Variants in SLC30A6 observed in about 807,000 individuals in gnomAD.
SLC30A6 encodes zinc transporter 6.
SLC30A6 carries 55 observed loss-of-function variants against 63.0 expected under a neutral mutation model. The observed-to-expected ratio is 0.87, with a 90% confidence interval of 0.70 to 1.09. The LOEUF is 1.09. Ranked by LOEUF, SLC30A6 falls within the 50% of genes least tolerant of loss-of-function variation. SLC30A6 has a pLI of 0.00. For missense variants in SLC30A6, 587 were observed against 549.2 expected (o/e 1.07, Z -0.69); for synonymous variants, 224 against 186.1 (o/e 1.20, Z -1.66).
Position 32,222,625 on chromosome 2 carries a change from G to A in SLC30A6, c.*1912G>A, listed in dbSNP as rs1229951520. 1 of 152,172 alleles carries A rather than the reference G, an allele frequency of 6.6e-6. No individual in the cohort carries two copies. The highest frequency in any genetic ancestry group is 2.4e-5 in the African/African-American group (1 of 41,434). The allele number at this position is 152,172 out of a possible 1,614,324, so 9.4% of individuals were successfully genotyped here. A position where few individuals can be genotyped will look rare whatever the true frequency, so the allele number is the denominator to read the frequency against. ...CAACCCCTGTTCAGGCATGTGACCT[G>A]CTAAAGAAATACAGCCTACACTACC... On this transcript the variant is annotated 3_prime_UTR_variant, in exon 14 of 14. Coordinates refer to ENST00000282587, the MANE Select transcript of SLC30A6 (RefSeq NM_017964.5).
chr2:32,220,667 C>T lies in SLC30A6; in HGVS notation c.1340C>T (p.Pro447Leu). The change falls in exon 14 of 14, where the codon CCA (proline) becomes CTA (leucine). Residue 447 changes from proline (P) to leucine (L), a missense_variant. Pro to Leu is a moderately conservative substitution (Grantham distance 98). Coordinates refer to ENST00000282587, the MANE Select transcript of SLC30A6 (RefSeq NM_017964.5). ...QGLRTGFTNIPSRYGTNNRIG... is the reference protein window; with the variant it reads ...QGLRTGFTNILSRYGTNNRIG... ...TTGAGGACTGGTTTTACAAATATAC[C>T]AAGTAGATATGGAACTAATAATAGA... is the stretch of plus-strand genomic sequence containing the variant. 1 of 1,613,824 alleles carries T rather than the reference C, an allele frequency of 6.2e-7. No homozygotes were observed. The highest frequency in any genetic ancestry group is 2.2e-5 in the East Asian group (1 of 44,868).
rs181858632 is a variant in SLC30A6 at position 32,221,816 on chromosome 2, A to G, written c.*1103A>G. 3 of 152,242 alleles carry G rather than the reference A, an allele frequency of 2.0e-5. No homozygotes were observed. Among genetic ancestry groups the G allele is most frequent in the East Asian group, 1.9e-4 (1 of 5,186 alleles). 9.4% of individuals were successfully genotyped at this position (152,242 alleles called of 1,614,324 possible). Reference sequence around the variant, plus strand: ...GGTGATATGCAGTGAAAGAATCCCAATTTTCTATGTTACATTTAATCAAAT... The same window carrying G: ...GGTGATATGCAGTGAAAGAATCCCAGTTTTCTATGTTACATTTAATCAAAT... On this transcript the variant is annotated 3_prime_UTR_variant, in exon 14 of 14. Coordinates refer to ENST00000282587, the MANE Select transcript of SLC30A6 (RefSeq NM_017964.5).
intron 13 of SLC30A6, among the ~76,000 whole-genome samples, chr2:32,219,033 A>G (rs1430886495): frequency 1.3e-5 from 2 of 151,766 alleles, no homozygotes; most frequent in East Asian, 1.9e-4. Flanking sequence ...CTTATTACCT[A>G]CCTATCATTT....
At chr2:32,203,198 T>G in intron 10 of SLC30A6, 1 of 1,157,204 alleles carries the variant, frequency 8.6e-7, no homozygotes. Context: ...GTTCTCCTCC[T>G]CAGGATGTTG....
At chr2:32,201,620 G>A (rs1684304395) in intron 10 of SLC30A6, 1 of 1,514,046 alleles carries the variant, frequency 6.6e-7, no homozygotes, top group African/African-American at 1.4e-5. Context: ...AACTCCTCTG[G>A]GGGTACATTA....
chr2:32,206,382 C>G (rs903002212), intron 11 of SLC30A6, among the ~76,000 whole-genome samples: 1 of 151,550 alleles, frequency 6.6e-6, no homozygotes, highest in African/African-American at 2.4e-5. Context: ...GGAGGCGGAG[C>G]TTGCAGTGAG....
intron 13 of SLC30A6, among the ~76,000 whole-genome samples, chr2:32,210,185 ATTT>A (rs1198931015): frequency 1.3e-5 from 2 of 152,194 alleles, no homozygotes; most frequent in Non-Finnish European, 2.9e-5. Flanking sequence ...TGCTGTTGAT[ATTT>A]TGGTGTTTAT....
chr2:32,217,685 A>G (rs779049975), intron 13 of SLC30A6, among the ~76,000 whole-genome samples: 1 of 152,144 alleles, frequency 6.6e-6, no homozygotes, highest in Non-Finnish European at 1.5e-5. Context: ...CTGATCTTCC[A>G]ATCCATGAGC....
intron 4 of SLC30A6, among the ~76,000 whole-genome samples, chr2:32,178,884 A>C (rs1175840531): frequency 6.6e-6 from 1 of 152,164 alleles, no homozygotes; most frequent in African/African-American, 2.4e-5. Flanking sequence ...TTGGCTAAAC[A>C]GGCATTCTTT....
chr2:32,221,529 T>C lies in SLC30A6; in HGVS notation c.*816T>C, dbSNP rs1180889441. 2 of 152,206 alleles carry C rather than the reference T, an allele frequency of 1.3e-5. No homozygotes were observed. The highest frequency in any genetic ancestry group is 4.8e-5 in the African/African-American group (2 of 41,456). 9.4% of individuals were successfully genotyped at this position (152,206 alleles called of 1,614,324 possible). ...ACATTTTGGGAAAGGGAAAAATGTCTGTTCAAAAAGTAAAAGTCTCTTTTA... is the reference window on the plus strand; with the variant it reads ...ACATTTTGGGAAAGGGAAAAATGTCCGTTCAAAAAGTAAAAGTCTCTTTTA... On this transcript the variant is annotated 3_prime_UTR_variant, in exon 14 of 14. Transcript: ENST00000282587.
intron 10 of SLC30A6, chr2:32,203,659 A>G (rs1684488610): frequency 6.4e-7 from 1 of 1,562,254 alleles, no homozygotes; most frequent in Non-Finnish European, 8.8e-7. Context: ...GTCTCAGATT[A>G]CCAGAATGTG....
At chr2:32,176,365 A>G (rs1325791437) in intron 4 of SLC30A6, among the ~76,000 whole-genome samples, 1 of 152,074 alleles carries the variant, frequency 6.6e-6, no homozygotes, top group African/African-American at 2.4e-5. Context: ...TTTTTTAAAA[A>G]TGGCTTTATT....
chr2:32,211,915 CG>C (rs1363661031), intron 13 of SLC30A6, among the ~76,000 whole-genome samples: 7 of 152,168 alleles, frequency 4.6e-5, no homozygotes, highest in Non-Finnish European at 2.9e-5. Flanking sequence ...CTACTGCGCT[CG>C]GCCCACAGTG....
intron 5 of SLC30A6, among the ~76,000 whole-genome samples, chr2:32,187,888 T>C (rs934880033): frequency 6.6e-6 from 1 of 152,116 alleles, no homozygotes; most frequent in African/African-American, 2.4e-5. Context: ...TACCCCCCAA[T>C]CCCATTTCTG....
intron 9 of SLC30A6, 63 bp from the exon 10 acceptor site, chr2:32,197,644 A>C: frequency 6.2e-7 from 1 of 1,603,458 alleles, no homozygotes; most frequent in Non-Finnish European, 8.5e-7. Context: ...ATCTTTTACA[A>C]GGTTGTCACC....
chr2:32,190,686 C>T (rs902860505), intron 5 of SLC30A6, among the ~76,000 whole-genome samples: 6 of 151,976 alleles, frequency 3.9e-5, no homozygotes, highest in African/African-American at 1.2e-4. Flanking sequence ...ACTGCAGTGG[C>T]GCAATTCGGC....
chr2:32,197,435 A>G, intron 9 of SLC30A6, 43 bp downstream of exon 9: 1 of 1,548,860 alleles, frequency 6.5e-7, no homozygotes, highest in Non-Finnish European at 8.9e-7. Context: ...ATTTAAAGGA[A>G]TACACAAGAA....
intron 5 of SLC30A6, chr2:32,187,334 C>A (rs1682927722): frequency 2.3e-6 from 1 of 437,408 alleles, no homozygotes; most frequent in African/African-American, 2.0e-5. Flanking sequence ...TAGAGTATTT[C>A]TGGAAAATAA....
intron 1 of SLC30A6, among the ~76,000 whole-genome samples, chr2:32,170,730 C>T (rs1681130709): frequency 6.6e-6 from 1 of 152,160 alleles, no homozygotes; most frequent in South Asian, 2.1e-4. Flanking sequence ...TCCTGAGTAG[C>T]TGGTATTACA....
Sources: gnomAD v4.1 joint callset for allele counts (sites outside exome capture counted in the v4.1 genomes callset) on GRCh38, gnomAD v4.1.1 for gene constraint, MANE v1.5 for transcripts, NCBI Gene and HGNC (gene_info 2026-07-23, HGNC 2026-07-21) for gene names.